Variants in MYBPC1 observed in about 807,000 individuals in gnomAD.
MYBPC1 encodes myosin-binding protein C, slow-type.
MYBPC1 carries 52 observed loss-of-function variants against 147.1 expected under a neutral mutation model. That is an observed-to-expected ratio of 0.35 (90% CI 0.28 to 0.45). The LOEUF (loss-of-function observed/expected upper bound fraction) is 0.45. Among genes scored for constraint, MYBPC1 ranks in the 20% least tolerant of loss-of-function variants. The probability of loss-of-function intolerance (pLI) is 1.00; values close to 1 mark genes in which losing one functional copy is unlikely to be tolerated. For synonymous variants in MYBPC1, 477 were observed against 475.9 expected (o/e 1.00, Z -0.03); for missense variants, 1,228 against 1,440.3 (o/e 0.85, Z 2.39).
the MYBPC1 span, among the ~76,000 whole-genome samples, chr12:101,691,611 C>T: frequency 2.6e-5 from 4 of 152,322 alleles, no homozygotes; most frequent in African/African-American, 9.6e-5. Flanking sequence ...TGTTCTTTCT[C>T]CTTTGGGAAA....
At chr12:101,658,468 T>C (rs1384778580) in intron 18 of MYBPC1, among the ~76,000 whole-genome samples, 3 of 152,162 alleles carry the variant, frequency 2.0e-5, no homozygotes, top group Admixed American at 2.0e-4. Flanking sequence ...GACGCTTTCC[T>C]ACCAAGATCA....
downstream of MYBPC1, among the ~76,000 whole-genome samples, chr12:101,689,269 G>A (rs1283841303): frequency 6.6e-6 from 1 of 152,190 alleles, no homozygotes; most frequent in Non-Finnish European, 1.5e-5. Flanking sequence ...TCAGATTCCA[G>A]AGTCAACAGG....
chr12:101,659,939 C>CTTTTT lies in MYBPC1; in HGVS notation c.1927+110_1927+111insTTTTT, dbSNP rs1403795370. 995 of 1,401,998 alleles carry CTTTTT rather than the reference C, an allele frequency of 7.1e-4. 10 individuals carry two copies. In the African/African-American group the frequency reaches 0.012, roughly 17 times the overall value. The allele number at this position is 1,401,998 out of a possible 1,614,324, so 86.8% of individuals were successfully genotyped here. On this transcript the variant is annotated intron_variant, in intron 19 of 31. Coordinates refer to ENST00000361466, the MANE Select transcript of MYBPC1 (RefSeq NM_002465.4). ...TTCCATTTCCTTCCTTTGTCTTTCC[C>CTTTTT]TTATCTTCTTTTTTTTTCTTGCCTA...
At chr12:101,641,749 A>G (rs2136176494) in intron 10 of MYBPC1, among the ~76,000 whole-genome samples, 1 of 152,250 alleles carries the variant, frequency 6.6e-6, no homozygotes, top group South Asian at 2.1e-4. Context: ...CCCCCTGCCG[A>G]TTTAGAAAAA....
At chr12:101,621,261 A>G (rs1231923653) in intron 3 of MYBPC1, among the ~76,000 whole-genome samples, 1 of 152,212 alleles carries the variant, frequency 6.6e-6, no homozygotes, top group Admixed American at 6.5e-5. Context: ...TTAAAAATTA[A>G]TGTCACCACA....
At chr12:101,618,817 GACCA>G (rs1180685518) in intron 3 of MYBPC1, among the ~76,000 whole-genome samples, 3 of 151,388 alleles carry the variant, frequency 2.0e-5, no homozygotes, top group African/African-American at 7.3e-5. Context: ...GCAAAACCAT[GACCA>G]CATGCAGTTG....
chr12:101,691,842 C>A, the MYBPC1 span, among the ~76,000 whole-genome samples: 15 of 152,232 alleles, frequency 9.9e-5, no homozygotes, highest in African/African-American at 2.9e-4. Context: ...ACACTCAGTG[C>A]AGGCTTGGTC....
intron 10 of MYBPC1, among the ~76,000 whole-genome samples, chr12:101,637,555 T>C (rs1156379955): frequency 6.6e-6 from 1 of 152,148 alleles, no homozygotes; most frequent in Non-Finnish European, 1.5e-5. Flanking sequence ...TTATGTTTTA[T>C]CTAGCAAATT....
chr12:101,598,793 G>C (rs1878560821), intron 1 of MYBPC1, among the ~76,000 whole-genome samples: 1 of 151,912 alleles, frequency 6.6e-6, no homozygotes, highest in African/African-American at 2.4e-5. Flanking sequence ...TATTGCCCAG[G>C]CTGTTCTCGA....
chr12:101,632,280 G>A lies in MYBPC1; in HGVS notation c.556+142G>A, dbSNP rs1890070103. The A allele has an allele frequency of 7.1e-6, 5 of 706,248 alleles. No homozygotes were observed. In the Admixed American group the frequency reaches 8.6e-5, roughly 12 times the overall value. 43.7% of individuals were successfully genotyped at this position (706,248 alleles called of 1,614,324 possible). A position where few individuals can be genotyped will look rare whatever the true frequency, so the allele number is the denominator to read the frequency against. On this transcript the variant is annotated intron_variant, in intron 8 of 31. Transcript: ENST00000361466. ...TTTCTGATTGTGGTAGTCTCAGCAA[G>A]CTTGCTGAATTGAATTGTAATGAAA...
At chr12:101,652,821 CTT>C in intron 17 of MYBPC1, 37 bp downstream of exon 17, 1 of 1,527,052 alleles carries the variant, frequency 6.5e-7, no homozygotes, top group South Asian at 1.1e-5. Context: ...TAGTTGTGTT[CTT>C]TTTTGTTTGC....
At chr12:101,680,792 G>A (rs1389586531) in intron 29 of MYBPC1, among the ~76,000 whole-genome samples, 1 of 152,098 alleles carries the variant, frequency 6.6e-6, no homozygotes, top group East Asian at 1.9e-4. Context: ...TGTGCTAAGG[G>A]ACTGTTAATT....
At chr12:101,622,051 G>A (rs1400592041) in intron 3 of MYBPC1, among the ~76,000 whole-genome samples, 1 of 152,180 alleles carries the variant, frequency 6.6e-6, no homozygotes, top group Non-Finnish European at 1.5e-5. Context: ...AGATAGCCCT[G>A]CTACGCTGAG....
intron 3 of MYBPC1, among the ~76,000 whole-genome samples, chr12:101,622,225 G>A (rs182912449): frequency 5.9e-5 from 9 of 152,190 alleles, no homozygotes; most frequent in Non-Finnish European, 1.2e-4. Context: ...ATATGTTGTT[G>A]AACTGGACAC....
At chr12:101,628,511 T>C (rs1228961305) in intron 5 of MYBPC1, among the ~76,000 whole-genome samples, 1 of 152,216 alleles carries the variant, frequency 6.6e-6, no homozygotes, top group African/African-American at 2.4e-5. Context: ...GATTGATACA[T>C]GAAAACTAAA....
At chr12:101,682,134 A>T (rs1951043424) in intron 29 of MYBPC1, among the ~76,000 whole-genome samples, 1 of 152,092 alleles carries the variant, frequency 6.6e-6, no homozygotes, top group African/African-American at 2.4e-5. Context: ...CTGGTTTCTA[A>T]ACTGCTAGCC....
intron 18 of MYBPC1, among the ~76,000 whole-genome samples, chr12:101,659,120 G>A (rs1024864655): frequency 1.3e-5 from 2 of 152,210 alleles, no homozygotes; most frequent in Non-Finnish European, 2.9e-5. Context: ...GGAATTAGAT[G>A]TGCATTCTTT....
intron 14 of MYBPC1, 39 bp downstream of exon 14, chr12:101,648,189 C>CAA (rs3834936): frequency 2.7e-5 from 40 of 1,457,160 alleles, no homozygotes; most frequent in Admixed American, 8.4e-5. Flanking sequence ...GTTTAATAGA[C>CAA]AAAAAAATTG....
chr12:101,648,207 A>C (rs980302483), intron 14 of MYBPC1, 57 bp downstream of exon 14: 1 of 1,230,284 alleles, frequency 8.1e-7, no homozygotes, highest in South Asian at 1.2e-5. Context: ...TTGGACCTTC[A>C]TAGTTGATAG....
Sources: allele counts gnomAD v4.1 joint callset (sites outside exome capture counted in the v4.1 genomes callset), GRCh38; gene constraint gnomAD v4.1.1; transcripts MANE v1.5; gene names NCBI Gene and HGNC (gene_info 2026-07-23, HGNC 2026-07-21).